KHSRP: variants seen among roughly 807,000 people sequenced by gnomAD.
KHSRP encodes the protein far upstream element-binding protein 2.
A neutral mutation model predicts 94.9 loss-of-function variants in KHSRP; 13 were observed. The observed-to-expected ratio is 0.14, with a 90% CI of 0.09 to 0.22. The LOEUF (loss-of-function observed/expected upper bound fraction) is 0.22, where lower values mean the gene tolerates loss of function less well. Ranked by LOEUF, KHSRP falls within the 10% of genes least tolerant of loss-of-function variation. KHSRP has a pLI of 1.00. For missense variants in KHSRP, 710 were observed against 1,010.0 expected (o/e 0.70, Z 4.03); for synonymous variants, 495 against 401.4 (o/e 1.23, Z -2.79).
In KHSRP at chr19:6,413,375, G is replaced by A. The variant is rs1267371259; in HGVS notation, c.*1649C>T. 1 of 409,816 alleles carries A rather than the reference G, an allele frequency of 2.4e-6. No individual in the cohort carries two copies. Among genetic ancestry groups the A allele is most frequent in the Non-Finnish European group, 4.8e-6 (1 of 208,348 alleles). The allele number at this position is 409,816 out of a possible 1,614,324, so 25.4% of individuals were successfully genotyped here. A position where few individuals can be genotyped will look rare whatever the true frequency, so the allele number is the denominator to read the frequency against. ...GGTTTTGTTATCATTTATTTGTGAA[G>A]TTAAAAACGAGCGATAAAAAGTAAA... On this transcript the variant is annotated 3_prime_UTR_variant, in exon 19 of 19. Transcript: ENST00000600480.
rs920776082 is a variant in KHSRP, at chr19:6,416,999, G to C, written c.1170C>G (p.Leu390=). The C allele has an allele frequency of 2.5e-6, 4 of 1,613,630 alleles. No individual in the cohort carries two copies. Among genetic ancestry groups the C allele is most frequent in the Admixed American group, 3.3e-5 (2 of 59,988 alleles). The part of the protein sequence containing the change: ...EHAARIINDL[L]QSLRSGPPGP... The stretch of plus-strand genomic sequence containing the variant: ...CGGGGCCACCTACCCTGAGGCTCTG[G>C]AGGAGGTCGTTGATGATCCGGGCTG... The change falls in exon 12 of 19, where the codon CTC becomes CTG. Residue 390 remains leucine (L), a synonymous_variant. Coordinates refer to ENST00000600480, the MANE Select transcript of KHSRP (RefSeq NM_001366299.1).
intron 1 of KHSRP, chr19:6,423,989 A>T (rs2052719019): frequency 6.6e-6 from 1 of 152,212 alleles, no homozygotes; most frequent in Non-Finnish European, 1.5e-5. Flanking sequence ...TTCCCGACTG[A>T]AGAGGAAGGA....
At chr19:6,424,369 C>T (rs1455001723) in intron 1 of KHSRP, 84 bp downstream of exon 1, 10 of 510,396 alleles carry the variant, frequency 2.0e-5, no homozygotes, top group Non-Finnish European at 2.3e-5. Context: ...CGCGACCCTG[C>T]GCGCGCGCGC....
Position 6,417,733 on chromosome 19 carries a change from C to T in KHSRP, c.1081+6G>A, listed in dbSNP as rs2092161018. On this transcript the variant is annotated splice_donor_region_variant and intron_variant, in intron 11 of 18. Transcript: ENST00000600480. ...TGGCCAGGGGCAGGGTGGGCCAGGC[C>T]CTGACCTTGCTTGAACTGTATCCGC... 5 of 1,612,604 alleles carry T rather than the reference C, an allele frequency of 3.1e-6. No individual in the cohort carries two copies. The highest frequency in any genetic ancestry group is 3.3e-4 in the Middle Eastern group (2 of 6,054).
chr19:6,414,577 C>T lies in KHSRP; in HGVS notation c.*447G>A, dbSNP rs889350081. ...AAGCGCGAGCGCATGGGAGGCTGAG[C>T]CCGGCGGGGCAGGGGCCTGGGCCGC... On this transcript the variant is annotated 3_prime_UTR_variant, in exon 19 of 19. Coordinates refer to ENST00000600480, the MANE Select transcript of KHSRP (RefSeq NM_001366299.1). 112 of 1,016,124 alleles carry T rather than the reference C, an allele frequency of 1.1e-4. No individual in the cohort carries two copies. The African/African-American group carries it at 1.8e-3, about 16-fold the overall frequency. 62.9% of individuals were successfully genotyped at this position (1,016,124 alleles called of 1,614,324 possible).
At chr19:6,415,492 C>A in intron 17 of KHSRP, 35 bp from the exon 18 acceptor site, 1 of 1,550,064 alleles carries the variant, frequency 6.5e-7, no homozygotes, top group Non-Finnish European at 8.7e-7. Flanking sequence ...GAAACCACTC[C>A]CCCGGCAGGG....
rs945667675 is a variant in KHSRP at position 6,424,779 on chromosome 19, A to G, written c.-78T>C. The G allele has an allele frequency of 3.3e-5, 17 of 520,522 alleles. No homozygotes were observed. Among genetic ancestry groups the G allele is most frequent in the African/African-American group, 4.2e-5 (2 of 47,864 alleles). The allele number at this position is 520,522 out of a possible 1,614,324, so 32.2% of individuals were successfully genotyped here. A position where few individuals can be genotyped will look rare whatever the true frequency, so the allele number is the denominator to read the frequency against. On this transcript the variant is annotated 5_prime_UTR_variant, in exon 1 of 19. Coordinates refer to ENST00000600480, the MANE Select transcript of KHSRP (RefSeq NM_001366299.1). ...GGCGGCGGCGGCTCAACGCGGGAAC[A>G]AGGCCTCGCTCCACACGGCCGCGGA... is the stretch of plus-strand genomic sequence containing the variant.
At chr19:6,417,116 A>C (rs1174637623) in intron 11 of KHSRP, 29 bp from the exon 12 acceptor site, 2 of 1,565,448 alleles carry the variant, frequency 1.3e-6, no homozygotes, top group Middle Eastern at 2.1e-4. Flanking sequence ...GAGCAGAGAC[A>C]CAAGTTTAAA....
rs1332625097 is a variant in KHSRP, at chr19:6,414,010, G to A, written c.*1014C>T. On this transcript the variant is annotated 3_prime_UTR_variant, in exon 19 of 19. Transcript: ENST00000600480. ...CGAGGGCTCCCCAGTACTCCCCACG[G>A]CAGCCATCGCTCTCTCGCCAAACAA... 6 of 1,479,988 alleles carry A rather than the reference G, an allele frequency of 4.1e-6. No individual in the cohort carries two copies. The highest frequency in any genetic ancestry group is 2.5e-5 in the East Asian group (1 of 39,974). 91.7% of individuals were successfully genotyped at this position (1,479,988 alleles called of 1,614,324 possible). A position where few individuals can be genotyped will look rare whatever the true frequency, so the allele number is the denominator to read the frequency against.
At position 6,421,260 on chromosome 19, in the gene KHSRP, G is replaced by A; in HGVS notation, c.425+18C>T. The A allele has an allele frequency of 6.3e-7, 1 of 1,577,860 alleles. No homozygotes were observed. ...GGCCAACAGACAAGAAAGCAGTGTG[G>A]GCCCCACCATGGCTTACCTTGGGGG... On this transcript the variant is annotated intron_variant, in intron 4 of 18. Transcript: ENST00000600480.
intron 6 of KHSRP, 150 bp from the exon 7 acceptor site, chr19:6,419,410 G>T (rs1365269580): frequency 2.6e-5 from 17 of 665,474 alleles, no homozygotes; most frequent in Non-Finnish European, 2.4e-6. Context: ...AAACACCTGG[G>T]AGGCTGCTCG....
chr19:6,421,721 C>T, intron 2 of KHSRP, 33 bp from the exon 3 acceptor site: 1 of 1,612,042 alleles, frequency 6.2e-7, no homozygotes. Flanking sequence ...GATGCAGCAC[C>T]CACCCACCCA....
Position 6,413,931 on chromosome 19 carries a change from G to A in KHSRP, c.*1093C>T, listed in dbSNP as rs565316158. 5,764 of 709,050 alleles carry A rather than the reference G, an allele frequency of 8.1e-3. 44 individuals carry two copies. The highest frequency in any genetic ancestry group is 0.011 in the Non-Finnish European group (4,903 of 455,526). 43.9% of individuals were successfully genotyped at this position (709,050 alleles called of 1,614,324 possible). A position where few individuals can be genotyped will look rare whatever the true frequency, so the allele number is the denominator to read the frequency against. On this transcript the variant is annotated 3_prime_UTR_variant, in exon 19 of 19. Coordinates refer to ENST00000600480, the MANE Select transcript of KHSRP (RefSeq NM_001366299.1). The stretch of plus-strand genomic sequence containing the variant: ...GAAAAAGCATGTGAGACACAGAACA[G>A]GCGAGAGAGTGAGGGCCCGGCATGC...
At position 6,417,967 on chromosome 19, in the gene KHSRP, G is replaced by A. The variant is rs1415929164; in HGVS notation, c.978+14C>T. ...GGCGGGGGAGAGGGGGGTGAAGGCA[G>A]GGCCCACACTCACATCGATGCCTCC... On this transcript the variant is annotated intron_variant, in intron 10 of 18. Transcript: ENST00000600480. 9 of 1,612,474 alleles carry A rather than the reference G, an allele frequency of 5.6e-6. No individual in the cohort carries two copies. In the African/African-American group the frequency reaches 1.1e-4, roughly 19 times the overall value.
rs542558687 is a variant in KHSRP at position 6,414,026 on chromosome 19, C to G, written c.*998G>C. The G allele has an allele frequency of 2.6e-6, 4 of 1,519,102 alleles. No individual in the cohort carries two copies. The Admixed American group carries it at 8.7e-5, about 33-fold the overall frequency. The allele number at this position is 1,519,102 out of a possible 1,614,324, so 94.1% of individuals were successfully genotyped here. On this transcript the variant is annotated 3_prime_UTR_variant, in exon 19 of 19. Coordinates refer to ENST00000600480, the MANE Select transcript of KHSRP (RefSeq NM_001366299.1). ...CTCCCCACGGCAGCCATCGCTCTCT[C>G]GCCAAACAAAACAGAAGCCCCCAAA... is the stretch of plus-strand genomic sequence containing the variant.
intron 1 of KHSRP, among the ~76,000 whole-genome samples, chr19:6,423,262 T>C (rs1250384126): frequency 2.0e-5 from 3 of 152,126 alleles, no homozygotes; most frequent in South Asian, 2.1e-4. Flanking sequence ...CTGGGTGATA[T>C]TGAGACTGTT....
chr19:6,421,169 G>T, intron 4 of KHSRP, 109 bp downstream of exon 4: 1 of 1,011,518 alleles, frequency 9.9e-7, no homozygotes, highest in Non-Finnish European at 1.5e-6. Context: ...TGGCACTGGG[G>T]GATAAAACCT....
In KHSRP at chr19:6,414,211, T is replaced by C; in HGVS notation, c.*813A>G. 1 of 1,394,152 alleles carries C rather than the reference T, an allele frequency of 7.2e-7. No homozygotes were observed. The highest frequency in any genetic ancestry group is 1.6e-5 in the South Asian group (1 of 61,916). 86.4% of individuals were successfully genotyped at this position (1,394,152 alleles called of 1,614,324 possible). ...GAAGAGAGGAGGGGCTGGAACACCG[T>C]GGGGGGGGCCAGGAAGCCCCCTCCC... On this transcript the variant is annotated 3_prime_UTR_variant, in exon 19 of 19. Transcript: ENST00000600480.
rs367805329 is a variant in KHSRP at position 6,414,442 on chromosome 19, C to T, written c.*582G>A. 5.6e-4 allele frequency: 676 copies of T among 1,209,518 alleles called. 1 individual carries two copies. Among genetic ancestry groups the T allele is most frequent in the Non-Finnish European group, 6.5e-4 (628 of 969,234 alleles). The allele number at this position is 1,209,518 out of a possible 1,614,324, so 74.9% of individuals were successfully genotyped here. A position where few individuals can be genotyped will look rare whatever the true frequency, so the allele number is the denominator to read the frequency against. On this transcript the variant is annotated 3_prime_UTR_variant, in exon 19 of 19. Transcript: ENST00000600480. ...GGCGGTGGCTCCCGGCGCAGCACGA[C>T]GACATGAACAATCCAGAGATCATGG... is the stretch of plus-strand genomic sequence containing the variant.
Sources: allele counts gnomAD v4.1 joint callset (sites outside exome capture counted in the v4.1 genomes callset), GRCh38; gene constraint gnomAD v4.1.1; transcripts MANE v1.5; gene names NCBI Gene and HGNC (gene_info 2026-07-23, HGNC 2026-07-21).